Variants in DIP2B observed in about 807,000 individuals in gnomAD.
DIP2B encodes the protein disco-interacting protein 2 homolog B.
Under a neutral mutation model 198.0 loss-of-function variants are expected in DIP2B, and 76 were observed. The observed-to-expected ratio is 0.38, with a 90% CI of 0.32 to 0.46. The LOEUF is 0.46. Among genes scored for constraint, DIP2B ranks in the 20% least tolerant of loss-of-function variants. The probability of loss-of-function intolerance (pLI) is 0.99; values close to 1 mark genes in which losing one functional copy is unlikely to be tolerated. For missense variants in DIP2B, 1,559 were observed against 1,978.4 expected (o/e 0.79, Z 4.02); for synonymous variants, 701 against 739.1 (o/e 0.95, Z 0.84).
At chr12:50,535,645 A>T (rs988069634) in intron 1 of DIP2B, among the ~76,000 whole-genome samples, 13 of 151,954 alleles carry the variant, frequency 8.6e-5, no homozygotes, top group Non-Finnish European at 1.5e-4. Flanking sequence ...TGCTCGGATT[A>T]CAGATGTGAA....
intron 1 of DIP2B, among the ~76,000 whole-genome samples, chr12:50,578,504 CTTTTTT>C (rs62685162): frequency 8.1e-5 from 9 of 111,602 alleles, no homozygotes; most frequent in African/African-American, 2.5e-4. Flanking sequence ...GTTATTTGCT[CTTTTTT>C]TTTTTTTTTT....
At chr12:50,570,649 A>G (rs1958604532) in intron 1 of DIP2B, among the ~76,000 whole-genome samples, 1 of 152,276 alleles carries the variant, frequency 6.6e-6, no homozygotes, top group Non-Finnish European at 1.5e-5. Flanking sequence ...GGCAGAAGTT[A>G]CAATGAGCCG....
intron 8 of DIP2B, 73 bp downstream of exon 8, chr12:50,678,949 G>A (rs755912488): frequency 9.8e-6 from 15 of 1,527,750 alleles, no homozygotes; most frequent in Non-Finnish European, 1.3e-5. Context: ...TTTTTATCTA[G>A]ATACTTAGCA....
intron 1 of DIP2B, among the ~76,000 whole-genome samples, chr12:50,566,775 C>T (rs1193300102): frequency 6.6e-6 from 1 of 152,020 alleles, no homozygotes; most frequent in Non-Finnish European, 1.5e-5. Flanking sequence ...CGAGACCATC[C>T]TGGCTAACAC....
At chr12:50,625,843 C>G (rs1048055564) in intron 1 of DIP2B, 133 bp from the exon 2 acceptor site, 1 of 847,200 alleles carries the variant, frequency 1.2e-6, no homozygotes, top group East Asian at 2.5e-5. Flanking sequence ...GGCAAAGAAC[C>G]ATACATTCCC....
chr12:50,732,239 T>C (rs1257409438), intron 31 of DIP2B, 127 bp from the exon 32 acceptor site: 4 of 993,578 alleles, frequency 4.0e-6, no homozygotes, highest in Non-Finnish European at 5.9e-6. Flanking sequence ...CTTTTTTCTC[T>C]GTGTGCCTGA....
At chr12:50,530,973 A>G (rs1034972736) in intron 1 of DIP2B, among the ~76,000 whole-genome samples, 2 of 152,180 alleles carry the variant, frequency 1.3e-5, no homozygotes. Flanking sequence ...TGTCCTGAAG[A>G]TATACATTCA....
chr12:50,651,865 C>T (rs1474902746), intron 3 of DIP2B, among the ~76,000 whole-genome samples: 1 of 152,072 alleles, frequency 6.6e-6, no homozygotes, highest in East Asian at 1.9e-4. Flanking sequence ...CCACCATGCC[C>T]ATCCTGTAAT....
At chr12:50,707,240 G>A (rs1227171448) in intron 21 of DIP2B, among the ~76,000 whole-genome samples, 1 of 152,212 alleles carries the variant, frequency 6.6e-6, no homozygotes, top group African/African-American at 2.4e-5. Context: ...TCGTAGATGT[G>A]TCTCTTTAAG....
rs144384213 is a variant in DIP2B, at chr12:50,714,496, G to A, written c.2751G>A (p.Thr917=). 69 of 1,614,122 alleles carry A rather than the reference G, an allele frequency of 4.3e-5. No homozygotes were observed. The highest frequency in any genetic ancestry group is 2.4e-4 in the African/African-American group (18 of 75,020). The stretch of plus-strand genomic sequence containing the variant: ...TAGGAGGAATCCATATATCTCAGAC[G>A]AAACAACTCTTTCTGGAGGGATCAC... ...TPLGGIHISQ[T]KQLFLEGSLH... The change falls in exon 23 of 38, where the codon ACG becomes ACA. Residue 917 remains threonine, a synonymous_variant. Transcript: ENST00000301180.
intron 1 of DIP2B, among the ~76,000 whole-genome samples, chr12:50,598,268 A>C (rs1958895705): frequency 6.6e-6 from 1 of 152,136 alleles, no homozygotes; most frequent in African/African-American, 2.4e-5. Context: ...ATTGGATTCA[A>C]CCTTCATCAC....
At chr12:50,552,090 A>G in intron 1 of DIP2B, among the ~76,000 whole-genome samples, 1 of 152,134 alleles carries the variant, frequency 6.6e-6, no homozygotes, top group East Asian at 1.9e-4. Context: ...TTTTTAAAAT[A>G]GATATCCTAA....
At chr12:50,536,682 C>T (rs1414886973) in intron 1 of DIP2B, among the ~76,000 whole-genome samples, 1 of 151,772 alleles carries the variant, frequency 6.6e-6, no homozygotes, top group East Asian at 1.9e-4. Flanking sequence ...ATTCTCCCAC[C>T]TCAGCCTCTC....
chr12:50,677,624 G>A (rs796998287), intron 7 of DIP2B, among the ~76,000 whole-genome samples: 5 of 152,210 alleles, frequency 3.3e-5, no homozygotes, highest in African/African-American at 1.2e-4. Flanking sequence ...TGGGGGTAGG[G>A]AAGGAAATGT....
rs368414311 is a variant in DIP2B at position 50,723,241 on chromosome 12, C to T, written c.3206C>T (p.Ala1069Val). Residue 1069 changes from alanine to valine, a missense_variant, in exon 27 of 38, where the codon GCG (alanine) becomes GTG (valine). By Grantham distance (64) the Ala-to-Val change is moderately conservative (BLOSUM62 0). Transcript: ENST00000301180. ...LIAAFYGCLY[A>V]GCIPVTVRPP... Reference sequence around the variant, plus strand: ...GCCGCCTTCTATGGCTGCCTGTATGCGGGCTGTATACCTGTGACCGTCAGA... The same window carrying T: ...GCCGCCTTCTATGGCTGCCTGTATGTGGGCTGTATACCTGTGACCGTCAGA... The T allele has an allele frequency of 2.9e-5, 47 of 1,614,002 alleles. No individual in the cohort carries two copies. Among genetic ancestry groups the T allele is most frequent in the Admixed American group, 1.8e-4 (11 of 59,972 alleles).
At chr12:50,547,139 A>G (rs1217433091) in intron 1 of DIP2B, among the ~76,000 whole-genome samples, 1 of 152,172 alleles carries the variant, frequency 6.6e-6, no homozygotes, top group Non-Finnish European at 1.5e-5. Flanking sequence ...TTCGTTTTCT[A>G]CTGGACAGGG....
intron 1 of DIP2B, among the ~76,000 whole-genome samples, chr12:50,512,409 A>T (rs1195583436): frequency 6.6e-6 from 1 of 152,032 alleles, no homozygotes; most frequent in Non-Finnish European, 1.5e-5. Flanking sequence ...ACCCAGCGTC[A>T]ATGTATGCTC....
chr12:50,519,316 G>A (rs1019599037), intron 1 of DIP2B, among the ~76,000 whole-genome samples: 59 of 151,998 alleles, frequency 3.9e-4, no homozygotes, highest in African/African-American at 1.3e-3. Context: ...GCCCAGGTTC[G>A]CCTTAAACTC....
In DIP2B at chr12:50,745,737, C is replaced by T. The variant is rs1243631105; in HGVS notation, c.*898C>T. 3 of 152,590 alleles carry T rather than the reference C, an allele frequency of 2.0e-5. No homozygotes were observed. The highest frequency in any genetic ancestry group is 4.4e-5 in the Non-Finnish European group (3 of 68,052). 9.5% of individuals were successfully genotyped at this position (152,590 alleles called of 1,614,324 possible). On this transcript the variant is annotated 3_prime_UTR_variant, in exon 38 of 38. Transcript: ENST00000301180. ...ATGTTAACACAAAGCTAAGATTCAT[C>T]AGAGCCCACCCTATTCTAAGGAACC...
Sources: allele counts gnomAD v4.1 joint callset (sites outside exome capture counted in the v4.1 genomes callset), GRCh38; gene constraint gnomAD v4.1.1; transcripts MANE v1.5; gene names NCBI Gene and HGNC (gene_info 2026-07-23, HGNC 2026-07-21).